KCNIP1: variants seen among roughly 807,000 people sequenced by gnomAD.
The protein encoded by KCNIP1 is potassium voltage-gated channel interacting protein 1, also known as A-type potassium channel modulatory protein KCNIP1.
A neutral mutation model predicts 33.0 loss-of-function variants in KCNIP1; 18 were observed. The ratio of observed to expected loss-of-function variants is 0.55; its 90% CI spans 0.38 to 0.81. KCNIP1 has a LOEUF of 0.81. Among genes scored for constraint, KCNIP1 ranks in the 30% least tolerant of loss-of-function variants. The pLI is 0.00. For synonymous variants in KCNIP1, 93 were observed against 98.3 expected (o/e 0.95, Z 0.32); for missense variants, 238 against 271.6 (o/e 0.88, Z 0.87).
intron 1 of KCNIP1, chr5:170,669,419 C>A: frequency 4.9e-6 from 3 of 617,098 alleles, no homozygotes; most frequent in Non-Finnish European, 6.1e-6. Context: ...TTCCTAGGTC[C>A]TTGGTGCTAC....
chr5:170,622,197 C>T (rs547154674), intron 1 of KCNIP1, among the ~76,000 whole-genome samples: 1 of 152,340 alleles, frequency 6.6e-6, no homozygotes, highest in East Asian at 1.9e-4. Context: ...TTCATATTCA[C>T]TCAGAACCTT....
At chr5:170,560,988 G>A (rs1757016370) in intron 1 of KCNIP1, 2 of 402,258 alleles carry the variant, frequency 5.0e-6, no homozygotes, top group South Asian at 3.7e-5. Context: ...GGGGCCCAGA[G>A]GCCAGGCAAG....
intron 1 of KCNIP1, among the ~76,000 whole-genome samples, chr5:170,575,401 T>C (rs1013788980): frequency 4.6e-5 from 7 of 152,208 alleles, no homozygotes; most frequent in African/African-American, 1.7e-4. Context: ...AATTGTATTA[T>C]ATCTTTAAAT....
At chr5:170,518,718 C>T (rs931941226) in intron 1 of KCNIP1, among the ~76,000 whole-genome samples, 2 of 152,172 alleles carry the variant, frequency 1.3e-5, no homozygotes, top group Admixed American at 6.5e-5. Flanking sequence ...TGGAAGCCCC[C>T]GGATGTCAGC....
Position 170,452,331 on chromosome 5 carries a change from C to T in KCNIP1, c.88+98367C>T, listed in dbSNP as rs573195637. 9.2e-5 allele frequency among the ~76,000 whole-genome samples: 14 copies of T among 152,310 alleles called. No individual in the cohort carries two copies. The South Asian group carries it at 2.7e-3, about 29-fold the overall frequency. Reference sequence around the variant, plus strand: ...TGGCAACGTTGAAGTCAAGATAGGGCTTCTCCTTAGCAACCGGAAAGCGCC... The same window carrying T: ...TGGCAACGTTGAAGTCAAGATAGGGTTTCTCCTTAGCAACCGGAAAGCGCC... On this transcript the variant is annotated intron_variant, in intron 1 of 7. Transcript: ENST00000377360.
chr5:170,599,041 C>A (rs1758586729), intron 1 of KCNIP1, among the ~76,000 whole-genome samples: 1 of 151,892 alleles, frequency 6.6e-6, no homozygotes, highest in African/African-American at 2.4e-5. Flanking sequence ...ATCTCAATAT[C>A]CTGTGCAGAC....
chr5:170,494,065 G>A (rs1399743747), intron 1 of KCNIP1, among the ~76,000 whole-genome samples: 1 of 152,196 alleles, frequency 6.6e-6, no homozygotes, highest in Non-Finnish European at 1.5e-5. Context: ...GGCAGTGTGG[G>A]AACCAGGTGA....
chr5:170,383,504 C>T (rs1764336429), intron 1 of KCNIP1: 5 of 714,076 alleles, frequency 7.0e-6, no homozygotes. Context: ...AGATTCAAAC[C>T]CAGGTCTGTG....
intron 1 of KCNIP1, among the ~76,000 whole-genome samples, chr5:170,642,452 C>A (rs1760605699): frequency 6.6e-6 from 1 of 152,222 alleles, no homozygotes; most frequent in African/African-American, 2.4e-5. Context: ...GGCCCTCTCC[C>A]AGTACACAAT....
chr5:170,425,224 C>T (rs1755585827), intron 1 of KCNIP1, among the ~76,000 whole-genome samples: 1 of 152,212 alleles, frequency 6.6e-6, no homozygotes, highest in East Asian at 1.9e-4. Flanking sequence ...TCCACTGCTT[C>T]CCCAGCCCTA....
In KCNIP1 at chr5:170,554,134, GT is replaced by G. The variant is rs58157482; in HGVS notation, c.61+49512del. Among the ~76,000 whole-genome samples the G allele has an allele frequency of 1.0e-3, 151 of 149,262 alleles. 1 individual carries two copies. Among genetic ancestry groups the G allele is most frequent in the Non-Finnish European group, 1.2e-3 (79 of 67,060 alleles). On this transcript the variant is annotated intron_variant, in intron 1 of 7. Coordinates refer to ENST00000328939, the MANE Select transcript of KCNIP1 (RefSeq NM_014592.4). ...CCTGGATGGACAGATGCCATGCAAA[GT>G]TTTTTTTTTTAATTTTTTAAAAATC...
At chr5:170,423,835 TA>T (rs1755553891) in intron 1 of KCNIP1, among the ~76,000 whole-genome samples, 1 of 152,224 alleles carries the variant, frequency 6.6e-6, no homozygotes, top group African/African-American at 2.4e-5. Flanking sequence ...GGGTGCTGTA[TA>T]AATGTTTAAT....
intron 1 of KCNIP1, among the ~76,000 whole-genome samples, chr5:170,673,856 C>T (rs932514968): frequency 6.6e-5 from 10 of 151,902 alleles, no homozygotes; most frequent in East Asian, 5.8e-4. Flanking sequence ...TGGTGGTGGG[C>T]GGAGGTGGGG....
chr5:170,673,616 T>G (rs1002547491), intron 1 of KCNIP1, among the ~76,000 whole-genome samples: 1 of 152,082 alleles, frequency 6.6e-6, no homozygotes, highest in African/African-American at 2.4e-5. Flanking sequence ...TCTTGTACAG[T>G]TGGGGGAAGA....
At chr5:170,391,155 C>T (rs568007829) in intron 1 of KCNIP1, among the ~76,000 whole-genome samples, 44 of 152,262 alleles carry the variant, frequency 2.9e-4, no homozygotes, top group African/African-American at 1.0e-3. Flanking sequence ...AAGGATGATC[C>T]TCTGTCCACT....
intron 1 of KCNIP1, among the ~76,000 whole-genome samples, chr5:170,533,234 C>A (rs560701607): frequency 6.6e-6 from 1 of 152,228 alleles, no homozygotes; most frequent in African/African-American, 2.4e-5. Flanking sequence ...AAGGAGAACA[C>A]TCAGACAGAG....
chr5:170,450,473 C>T (rs1756222589), intron 1 of KCNIP1, among the ~76,000 whole-genome samples: 1 of 152,180 alleles, frequency 6.6e-6, no homozygotes, highest in Admixed American at 6.5e-5. Context: ...AAATGTAAAT[C>T]AGACCACAGC....
At chr5:170,451,723 T>TTG (rs67542248) in intron 1 of KCNIP1, among the ~76,000 whole-genome samples, 5,311 of 122,878 alleles carry the variant, frequency 0.043, 176 homozygotes, top group East Asian at 0.12. Context: ...TTCTCCTGCA[T>TTG]TGTGTGTGTG....
At chr5:170,692,869 C>T (rs533882771) in intron 1 of KCNIP1, among the ~76,000 whole-genome samples, 2 of 152,150 alleles carry the variant, frequency 1.3e-5, no homozygotes, top group Middle Eastern at 3.4e-3. Context: ...AAACTAGGAC[C>T]GATTAAAAGA....
Sources: allele counts gnomAD v4.1 joint callset (sites outside exome capture counted in the v4.1 genomes callset), GRCh38; gene constraint gnomAD v4.1.1; transcripts MANE v1.5; gene names NCBI Gene and HGNC (gene_info 2026-07-23, HGNC 2026-07-21).